Variants in DPYD observed in about 807,000 individuals in gnomAD.
DPYD encodes the protein dihydropyrimidine dehydrogenase, also known as dihydropyrimidine dehydrogenase [NADP(+)].
Under a neutral mutation model 116.2 loss-of-function variants are expected in DPYD, and 109 were observed. The ratio of observed to expected loss-of-function variants is 0.94; its 90% CI spans 0.80 to 1.10. The LOEUF is 1.10. Ranked by LOEUF, DPYD falls within the 50% of genes least tolerant of loss-of-function variation. The pLI, the probability that DPYD is intolerant of heterozygous loss-of-function variation, is 0.00. For missense variants in DPYD, 1,302 were observed against 1,254.5 expected (o/e 1.04, Z -0.57); for synonymous variants, 440 against 432.0 (o/e 1.02, Z -0.23).
Position 97,840,246 on chromosome 1 carries a change from A to C in DPYD, c.151-12050T>G, listed in dbSNP as rs559968149. Among the ~76,000 whole-genome samples, 6 of 149,926 alleles carry C rather than the reference A, an allele frequency of 4.0e-5. No individual in the cohort carries two copies. In the South Asian group the frequency reaches 1.3e-3, roughly 31 times the overall value. On this transcript the variant is annotated intron_variant, in intron 2 of 22. Coordinates refer to ENST00000370192, the MANE Select transcript of DPYD (RefSeq NM_000110.4). Reference sequence around the variant, plus strand: ...TAAAGTGTTTTTTTAAATGCACGACAAAAAAAAACCCAGAACACCCTCTCC... The same window carrying C: ...TAAAGTGTTTTTTTAAATGCACGACCAAAAAAAACCCAGAACACCCTCTCC...
Position 97,082,445 on chromosome 1 carries a change from T to C in DPYD, c.2792A>G (p.Tyr931Cys), listed in dbSNP as rs2101558763. 1 of 1,613,614 alleles carries C rather than the reference T, an allele frequency of 6.2e-7. No individual in the cohort carries two copies. The highest frequency in any genetic ancestry group is 8.5e-7 in the Non-Finnish European group (1 of 1,179,622). ...GCTCAATTCACCAAATGTTCCAAGGTACTGCAGTGCTTTTCCTATTACATC... is the reference window on the plus strand; with the variant it reads ...GCTCAATTCACCAAATGTTCCAAGGCACTGCAGTGCTTTTCCTATTACATC... ...IKDVIGKALQ[Y>C]LGTFGELSNV... The change falls in exon 22 of 23, where the codon TAC (tyrosine) becomes TGC (cysteine). Residue 931 changes from tyrosine to cysteine, a missense_variant. By Grantham distance (194) the Tyr-to-Cys change is radical. Coordinates refer to ENST00000370192, the MANE Select transcript of DPYD (RefSeq NM_000110.4).
intron 3 of DPYD, among the ~76,000 whole-genome samples, chr1:97,821,636 A>G (rs1267215892): frequency 6.6e-6 from 1 of 152,136 alleles, no homozygotes; most frequent in Non-Finnish European, 1.5e-5. Flanking sequence ...GAAATGCTGT[A>G]TAAGATTTCC....
intron 14 of DPYD, among the ~76,000 whole-genome samples, chr1:97,398,042 A>G (rs1474187517): frequency 6.6e-6 from 1 of 151,904 alleles, no homozygotes; most frequent in Non-Finnish European, 1.5e-5. Context: ...GGTGTGTTGC[A>G]CCCATTAAAT....
intron 13 of DPYD, among the ~76,000 whole-genome samples, chr1:97,490,810 G>T (rs569574895): frequency 1.3e-4 from 18 of 142,510 alleles, no homozygotes; most frequent in African/African-American, 4.7e-4. Flanking sequence ...TAATACTATT[G>T]CCCTGAAATG....
At chr1:97,797,755 A>C (rs768363661) in intron 3 of DPYD, 22 of 152,002 alleles carry the variant, frequency 1.4e-4, no homozygotes, top group Admixed American at 1.2e-3. Flanking sequence ...GGCCAGCACT[A>C]TTTTGCCATT....
At chr1:97,200,773 C>T (rs1659145918) in intron 19 of DPYD, among the ~76,000 whole-genome samples, 1 of 152,124 alleles carries the variant, frequency 6.6e-6, no homozygotes, top group Non-Finnish European at 1.5e-5. Flanking sequence ...TTTCAGAGAT[C>T]AGGAGTCCAG....
intron 14 of DPYD, among the ~76,000 whole-genome samples, chr1:97,409,722 C>A (rs955145809): frequency 6.6e-6 from 1 of 152,142 alleles, no homozygotes; most frequent in East Asian, 1.9e-4. Flanking sequence ...CTTATATATT[C>A]TTCCCCAGAC....
At chr1:97,821,589 T>C (rs1311325630) in intron 3 of DPYD, among the ~76,000 whole-genome samples, 1 of 152,162 alleles carries the variant, frequency 6.6e-6, no homozygotes, top group Non-Finnish European at 1.5e-5. Context: ...ACTTTTTTCC[T>C]GTCCTTAAAA....
At chr1:97,275,529 T>A (rs1390227407) in intron 18 of DPYD, among the ~76,000 whole-genome samples, 1 of 152,226 alleles carries the variant, frequency 6.6e-6, no homozygotes, top group African/African-American at 2.4e-5. Context: ...AAACTCTGCG[T>A]AATAGTAGTT....
chr1:97,512,289 G>A (rs532808831), intron 13 of DPYD, among the ~76,000 whole-genome samples: 83 of 151,930 alleles, frequency 5.5e-4, no homozygotes, highest in African/African-American at 1.9e-3. Flanking sequence ...TTTTATAAGA[G>A]AGACCTATTA....
chr1:97,523,437 G>A (rs981783298), intron 12 of DPYD, among the ~76,000 whole-genome samples: 1 of 152,000 alleles, frequency 6.6e-6, no homozygotes, highest in Non-Finnish European at 1.5e-5. Flanking sequence ...ACCATCAGGA[G>A]CCCCAAATAT....
chr1:97,574,974 TAACTC>T (rs1181588499), intron 10 of DPYD, among the ~76,000 whole-genome samples: 1 of 152,142 alleles, frequency 6.6e-6, no homozygotes, highest in East Asian at 1.9e-4. Flanking sequence ...ATAAAATAAT[TAACTC>T]AATGCTGTAA....
intron 3 of DPYD, among the ~76,000 whole-genome samples, chr1:97,821,096 C>T (rs1243724945): frequency 8.6e-5 from 13 of 151,820 alleles, no homozygotes; most frequent in Admixed American, 6.6e-4. Context: ...CATTGGAGGC[C>T]GAGGAGGGCA....
intron 13 of DPYD, among the ~76,000 whole-genome samples, chr1:97,465,451 T>C (rs183257657): frequency 6.6e-6 from 1 of 152,246 alleles, no homozygotes; most frequent in Non-Finnish European, 1.5e-5. Flanking sequence ...TCCACCCAAA[T>C]CTCATCTTGA....
chr1:97,608,261 A>T (rs1427839680), intron 8 of DPYD, among the ~76,000 whole-genome samples: 1 of 152,166 alleles, frequency 6.6e-6, no homozygotes, highest in South Asian at 2.1e-4. Context: ...AAATAATATA[A>T]AAGGGACATA....
intron 16 of DPYD, among the ~76,000 whole-genome samples, chr1:97,372,537 A>G (rs1313823310): frequency 6.6e-6 from 1 of 152,000 alleles, no homozygotes; most frequent in Non-Finnish European, 1.5e-5. Context: ...ATTTGACTAG[A>G]CCCTCCTTTC....
At chr1:97,369,516 G>A (rs1275244090) in intron 16 of DPYD, among the ~76,000 whole-genome samples, 4 of 152,132 alleles carry the variant, frequency 2.6e-5, no homozygotes, top group Non-Finnish European at 5.9e-5. Flanking sequence ...CAAAGTGCAG[G>A]TCTAGAAGCC....
intron 20 of DPYD, among the ~76,000 whole-genome samples, chr1:97,137,581 G>T (rs1435919725): frequency 1.3e-5 from 2 of 152,168 alleles, no homozygotes; most frequent in African/African-American, 2.4e-5. Flanking sequence ...CAGACATTCT[G>T]TCGGCTCTGT....
chr1:97,675,227 A>T (rs771640727), intron 8 of DPYD, among the ~76,000 whole-genome samples: 11 of 152,190 alleles, frequency 7.2e-5, no homozygotes, highest in East Asian at 1.9e-4. Flanking sequence ...GAGCCATCCA[A>T]TATTTTTTAA....
Sources: gnomAD v4.1 joint callset for allele counts (sites outside exome capture counted in the v4.1 genomes callset) on GRCh38, gnomAD v4.1.1 for gene constraint, MANE v1.5 for transcripts, NCBI Gene and HGNC (gene_info 2026-07-23, HGNC 2026-07-21) for gene names.